The following SNX13 variants were observed in gnomAD, a reference collection of about 807,000 sequenced individuals.
SNX13 encodes sorting nexin 13, also known as sorting nexin-13.
A neutral mutation model predicts 133.6 loss-of-function variants in SNX13; 45 were observed. The observed-to-expected ratio is 0.34, with a 90% CI of 0.27 to 0.43. The LOEUF is 0.43. Among genes scored for constraint, SNX13 ranks in the 20% least tolerant of loss-of-function variants. SNX13 has a pLI of 1.00. For synonymous variants in SNX13, 414 were observed against 373.9 expected (o/e 1.11, Z -1.24); for missense variants, 1,032 against 1,145.1 (o/e 0.90, Z 1.43).
chr7:17,924,446 T>C (rs1800493145), intron 1 of SNX13, among the ~76,000 whole-genome samples: 1 of 152,142 alleles, frequency 6.6e-6, no homozygotes, highest in Non-Finnish European at 1.5e-5. Flanking sequence ...CTACTTGCGC[T>C]CACCAGGATG....
chr7:17,936,788 G>C (rs1802083109), intron 1 of SNX13, among the ~76,000 whole-genome samples: 1 of 150,198 alleles, frequency 6.7e-6, no homozygotes, highest in Non-Finnish European at 1.5e-5. Context: ...AACATCCCAT[G>C]CTCTAATTTC....
intron 13 of SNX13, 57 bp from the exon 14 acceptor site, chr7:17,834,922 T>G: frequency 9.9e-7 from 1 of 1,010,406 alleles, no homozygotes; most frequent in Non-Finnish European, 1.5e-6. Context: ...AAGATGATAC[T>G]TGATAGTATG....
At chr7:17,820,536 CT>C (rs1425919824) in intron 18 of SNX13, among the ~76,000 whole-genome samples, 1 of 152,002 alleles carries the variant, frequency 6.6e-6, no homozygotes, top group East Asian at 1.9e-4. Flanking sequence ...CAAAATAGTC[CT>C]TTTAATATAG....
intron 3 of SNX13, 122 bp from the exon 4 acceptor site, chr7:17,891,757 T>A: frequency 9.8e-6 from 6 of 609,144 alleles, no homozygotes; most frequent in Non-Finnish European, 1.4e-5. Flanking sequence ...AATAACCTTA[T>A]TTGAGGTGCT....
rs770687587 is a variant in SNX13, at chr7:17,940,479, G to T, written c.-184C>A. ...CCCGGTCGCTCGCGACGGACGCGCC[G>T]CCATCTTGGAAGAGCGACGTCCGCG... On this transcript the variant is annotated 5_prime_UTR_variant, in exon 1 of 26. Transcript: ENST00000428135. 6.8e-6 allele frequency: 5 copies of T among 732,330 alleles called. No homozygotes were observed. Among genetic ancestry groups the T allele is most frequent in the South Asian group, 5.9e-5 (4 of 68,054 alleles). The allele number at this position is 732,330 out of a possible 1,614,324, so 45.4% of individuals were successfully genotyped here.
In SNX13 at chr7:17,940,348, C is replaced by T. The variant is rs1802695440; in HGVS notation, c.-53G>A. The T allele has an allele frequency of 6.4e-7, 1 of 1,555,632 alleles. No homozygotes were observed. The highest frequency in any genetic ancestry group is 8.7e-7 in the Non-Finnish European group (1 of 1,149,408). On this transcript the variant is annotated 5_prime_UTR_variant, in exon 1 of 26. Coordinates refer to ENST00000428135, the MANE Select transcript of SNX13 (RefSeq NM_015132.5). ...CCCTAGCCTCGCCTCATGGCAACAG[C>T]CGTAGCAGCAGCGAAAACTGCTCGG...
intron 20 of SNX13, among the ~76,000 whole-genome samples, chr7:17,806,469 C>T (rs1232186149): frequency 6.6e-6 from 1 of 151,812 alleles, no homozygotes; most frequent in East Asian, 1.9e-4. Flanking sequence ...ATCATTTAGC[C>T]AAAAAGGAAA....
At chr7:17,831,137 T>C (rs1788439827) in intron 15 of SNX13, 2 of 984,228 alleles carry the variant, frequency 2.0e-6, no homozygotes, top group South Asian at 4.7e-5. Context: ...TAAAGGAGAA[T>C]TTGGGAGCAA....
Position 17,796,943 on chromosome 7 carries a change from T to C in SNX13, c.2514-4A>G, listed in dbSNP as rs1784123470. 6.4e-7 allele frequency: 1 copy of C among 1,570,424 alleles called. No homozygotes were observed. Among genetic ancestry groups the C allele is most frequent in the Non-Finnish European group, 8.8e-7 (1 of 1,142,328 alleles). ...GCCATTTGGCCAAAATGCATCTCTA[T>C]TTGAGAAGATTAAATACATTTTGTA... On this transcript the variant is annotated splice_polypyrimidine_tract_variant and splice_region_variant and intron_variant, in intron 24 of 25. Transcript: ENST00000428135.
Position 17,873,590 on chromosome 7 carries a change from A to G in SNX13, c.691T>C (p.Leu231=). The G allele has an allele frequency of 6.3e-7, 1 of 1,577,340 alleles. No homozygotes were observed. Reference sequence around the variant, plus strand: ...CCAGGAGGTAGCAATAAATATAGTAAGACCTCACACAAATCCCTTAGGAAT... The same window carrying G: ...CCAGGAGGTAGCAATAAATATAGTAGGACCTCACACAAATCCCTTAGGAAT... ...EGFLRDLCEV[L]LYLLLPPGDF... The change falls in exon 8 of 26, where the codon TTA becomes CTA. Residue 231 remains leucine (L), a synonymous_variant. Transcript: ENST00000428135.
In SNX13 at chr7:17,849,810, T is replaced by C. The variant is rs976816477; in HGVS notation, c.1065+537A>G. Among the ~76,000 whole-genome samples the C allele has an allele frequency of 1.2e-4, 19 of 152,228 alleles. 1 individual carries two copies. The highest frequency in any genetic ancestry group is 2.1e-4 in the Non-Finnish European group (14 of 68,034). ...ATACATCACAGGACTAACTGCCTCA[T>C]GTTATTTAGATCTCACTATGATCAA... On this transcript the variant is annotated intron_variant, in intron 11 of 25. Transcript: ENST00000428135.
chr7:17,938,432 C>G lies in SNX13; in HGVS notation c.12+1852G>C, dbSNP rs558227800. 2.0e-3 allele frequency among the ~76,000 whole-genome samples: 312 copies of G among 152,292 alleles called. 1 individual carries two copies. The highest frequency in any genetic ancestry group is 8.7e-3 in the South Asian group (42 of 4,828). On this transcript the variant is annotated intron_variant, in intron 1 of 25. Coordinates refer to ENST00000428135, the MANE Select transcript of SNX13 (RefSeq NM_015132.5). The stretch of plus-strand genomic sequence containing the variant: ...CAGTTTCCTAATCTATAAACGACTA[C>G]TGAAAACTATAGGGAAGACTTTAGT...
intron 25 of SNX13, chr7:17,795,486 T>C (rs1486756369): frequency 6.6e-6 from 1 of 151,716 alleles, no homozygotes; most frequent in African/African-American, 2.4e-5. Flanking sequence ...ACCATCATCA[T>C]CTCAGTGAGG....
At chr7:17,938,708 GC>G (rs1802397319) in intron 1 of SNX13, among the ~76,000 whole-genome samples, 1 of 152,122 alleles carries the variant, frequency 6.6e-6, no homozygotes, top group Admixed American at 6.5e-5. Flanking sequence ...CATTTTACTG[GC>G]AGACACACAA....
intron 9 of SNX13, among the ~76,000 whole-genome samples, chr7:17,864,763 GAAGGAA>G (rs1329427598): frequency 6.6e-6 from 1 of 151,184 alleles, no homozygotes; most frequent in Non-Finnish European, 1.5e-5. Flanking sequence ...GCTGCATAAA[GAAGGAA>G]AAGAAGGAGA....
Position 17,822,122 on chromosome 7 carries a change from C to T in SNX13, c.1706-474G>A, listed in dbSNP as rs147451304. Among the ~76,000 whole-genome samples the T allele has an allele frequency of 3.9e-5, 6 of 152,168 alleles. No individual in the cohort carries two copies. The East Asian group carries it at 5.8e-4, about 15-fold the overall frequency. ...CTTTTCAACTAAACAGCAACAGCCA[C>T]GGGATAACATTTATCTTCTGGCAAT... On this transcript the variant is annotated intron_variant, in intron 17 of 25. Coordinates refer to ENST00000428135, the MANE Select transcript of SNX13 (RefSeq NM_015132.5).
intron 5 of SNX13, among the ~76,000 whole-genome samples, chr7:17,885,282 G>A: frequency 7.4e-6 from 1 of 134,734 alleles, no homozygotes. Flanking sequence ...CTCAGAATAG[G>A]CAAATCCATA....
intron 17 of SNX13, among the ~76,000 whole-genome samples, chr7:17,824,589 AACTC>A (rs1260887835): frequency 7.9e-5 from 12 of 151,994 alleles, no homozygotes; most frequent in Admixed American, 3.9e-4. Context: ...GAAGTTAAGG[AACTC>A]ACTCAGGTTC....
chr7:17,791,732 T>C lies in SNX13; in HGVS notation c.*2313A>G, dbSNP rs1037051451. Reference sequence around the variant, plus strand: ...GCATTAAATGTAACTTTATTAAACATAGTACACTGTACTTGACTTATGGTT... The same window carrying C: ...GCATTAAATGTAACTTTATTAAACACAGTACACTGTACTTGACTTATGGTT... On this transcript the variant is annotated 3_prime_UTR_variant, in exon 26 of 26. Coordinates refer to ENST00000428135, the MANE Select transcript of SNX13 (RefSeq NM_015132.5). 3.9e-5 allele frequency: 6 copies of C among 152,092 alleles called. No individual in the cohort carries two copies. The highest frequency in any genetic ancestry group is 1.2e-4 in the African/African-American group (5 of 41,442). The allele number at this position is 152,092 out of a possible 1,614,324, so 9.4% of individuals were successfully genotyped here. A position where few individuals can be genotyped will look rare whatever the true frequency, so the allele number is the denominator to read the frequency against.
Sources: allele counts gnomAD v4.1 joint callset (sites outside exome capture counted in the v4.1 genomes callset), GRCh38; gene constraint gnomAD v4.1.1; transcripts MANE v1.5; gene names NCBI Gene and HGNC (gene_info 2026-07-23, HGNC 2026-07-21).